ABTB2: variants seen among roughly 807,000 people sequenced by gnomAD.
ABTB2 encodes ankyrin repeat and BTB domain containing 2.
In ABTB2, 56 loss-of-function variants were observed where a neutral mutation model predicts 104.1. That is an observed-to-expected ratio of 0.54 (90% confidence interval 0.43 to 0.67). The LOEUF (loss-of-function observed/expected upper bound fraction) is 0.67. Among genes scored for constraint, ABTB2 ranks in the 30% least tolerant of loss-of-function variants. The probability of loss-of-function intolerance (pLI) is 0.00; values close to 1 mark genes in which losing one functional copy is unlikely to be tolerated. For missense variants in ABTB2, 1,279 were observed against 1,407.7 expected, an observed-to-expected ratio of 0.91 and a Z score of 1.46; for synonymous variants, 606 against 608.2, an observed-to-expected ratio of 1.00 and a Z score of 0.05.
chr11:34,317,993 C>T (rs373899474), intron 1 of ABTB2, among the ~76,000 whole-genome samples: 3 of 150,270 alleles, frequency 2.0e-5, no homozygotes, highest in South Asian at 2.1e-4. Context: ...GACATAGCCT[C>T]GCTCTGTCAC....
At chr11:34,205,094 A>G (rs1853393095) in intron 1 of ABTB2, among the ~76,000 whole-genome samples, 1 of 152,206 alleles carries the variant, frequency 6.6e-6, no homozygotes, top group Non-Finnish European at 1.5e-5. Flanking sequence ...TGCCTGACTC[A>G]GCCCAGGTAT....
Position 34,161,066 on chromosome 11 carries a change from A to G in ABTB2, c.2234T>C (p.Leu745Pro), listed in dbSNP as rs1385043208. ...CCTCAGAGACTCGATCCAGATGTGC[A>G]GCTTCCAGGGGACTCCTGGTCCAGG... The part of the protein sequence containing the change: ...ELRALGVPWK[L>P]HIWIESLRTS... Residue 745 changes from leucine to proline, a missense_variant, in exon 11 of 17, where the codon CTG becomes CCG. By Grantham distance (98) the Leu-to-Pro change is moderately conservative. Coordinates refer to ENST00000435224, the MANE Select transcript of ABTB2 (RefSeq NM_145804.3). 1.9e-6 allele frequency: 3 copies of G among 1,609,676 alleles called. No homozygotes were observed. The highest frequency in any genetic ancestry group is 2.2e-5 in the East Asian group (1 of 44,706).
At chr11:34,231,663 T>G (rs1461937836) in intron 1 of ABTB2, among the ~76,000 whole-genome samples, 1 of 152,170 alleles carries the variant, frequency 6.6e-6, no homozygotes, top group Non-Finnish European at 1.5e-5. Flanking sequence ...CTCCGCCTCC[T>G]GGGTTCAAGC....
chr11:34,201,954 T>G (rs1306343848), intron 2 of ABTB2, among the ~76,000 whole-genome samples: 1 of 152,224 alleles, frequency 6.6e-6, no homozygotes, highest in Non-Finnish European at 1.5e-5. Context: ...CTCACAGGCA[T>G]GCATGTGTGC....
chr11:34,334,034 C>G (rs1475519038), intron 1 of ABTB2, among the ~76,000 whole-genome samples: 1 of 147,588 alleles, frequency 6.8e-6, no homozygotes, highest in South Asian at 2.1e-4. Flanking sequence ...AAAAAAAAAG[C>G]CACAGGCAAA....
rs573956937 is a variant in ABTB2 at position 34,247,971 on chromosome 11, C to T, written c.884-43281G>A. Among the ~76,000 whole-genome samples the T allele has an allele frequency of 2.0e-5, 3 of 152,082 alleles. No homozygotes were observed. The East Asian group carries it at 5.8e-4, about 29-fold the overall frequency. ...ATGTATATGCTGTGTATTACACAAG[C>T]ACAGGGAGAAAGAATAGCTACACCT... On this transcript the variant is annotated intron_variant, in intron 1 of 16. Transcript: ENST00000435224.
At chr11:34,265,151 C>T (rs1854232511) in intron 1 of ABTB2, among the ~76,000 whole-genome samples, 1 of 152,200 alleles carries the variant, frequency 6.6e-6, no homozygotes, top group Non-Finnish European at 1.5e-5. Context: ...AGAACCGAAG[C>T]AACAAGTTCC....
chr11:34,260,986 G>C (rs192692376), intron 1 of ABTB2, among the ~76,000 whole-genome samples: 33 of 152,250 alleles, frequency 2.2e-4, no homozygotes, highest in African/African-American at 7.5e-4. Context: ...AGCTGGGTGT[G>C]CTGGTGGGTG....
chr11:34,257,931 A>G (rs1193301029), intron 1 of ABTB2, among the ~76,000 whole-genome samples: 2 of 152,056 alleles, frequency 1.3e-5, no homozygotes, highest in African/African-American at 2.4e-5. Flanking sequence ...GGGGTTGTTA[A>G]TAATCACATG....
At position 34,357,387 on chromosome 11, in the gene ABTB2, T is replaced by C; in HGVS notation, c.197A>G (p.Asn66Ser). The C allele has an allele frequency of 1.3e-6, 2 of 1,544,150 alleles. No individual in the cohort carries two copies. Among genetic ancestry groups the C allele is most frequent in the Non-Finnish European group, 1.8e-6 (2 of 1,142,626 alleles). The change falls in exon 1 of 17, where the codon AAC becomes AGC. Residue 66 changes from asparagine to serine, a missense_variant. Transcript: ENST00000435224. ...CYSGSMNSRH[N>S]SWDTVNTVLP... ...CACCGTGTTCACCGTGTCCCAGCTG[T>C]TGTGGCGGCTGTTCATGGAGCCGGA...
chr11:34,167,856 TC>T (rs1362438351), intron 6 of ABTB2, 46 bp downstream of exon 6: 14 of 1,591,212 alleles, frequency 8.8e-6, no homozygotes, highest in Non-Finnish European at 1.2e-5. Flanking sequence ...CTCGGAGTGA[TC>T]CCTGCTGGCC....
intron 11 of ABTB2, 64 bp downstream of exon 11, chr11:34,160,839 T>C (rs1852708136): frequency 3.3e-6 from 5 of 1,514,314 alleles, no homozygotes; most frequent in Admixed American, 1.9e-5. Context: ...TGTGTGTCCA[T>C]CTGTGTGTCC....
intron 1 of ABTB2, among the ~76,000 whole-genome samples, chr11:34,275,588 C>T (rs1159229558): frequency 3.9e-5 from 6 of 152,094 alleles, no homozygotes; most frequent in East Asian, 1.9e-4. Flanking sequence ...ACTGCAACCA[C>T]GGTTTTTATG....
intron 7 of ABTB2, among the ~76,000 whole-genome samples, chr11:34,166,556 GC>G (rs1241665648): frequency 6.6e-6 from 1 of 152,242 alleles, no homozygotes; most frequent in African/African-American, 2.4e-5. Flanking sequence ...CACAATCCCT[GC>G]CCTCAGAGGT....
chr11:34,306,982 T>TAAAAAAAAAAAAA (rs61161318), intron 1 of ABTB2, among the ~76,000 whole-genome samples: 41 of 94,406 alleles, frequency 4.3e-4, no homozygotes, highest in Middle Eastern at 6.5e-3. Flanking sequence ...TCAGGAAACT[T>TAAAAAAAAAAAAA]AAAAAAAAAA....
chr11:34,230,080 G>C (rs971413796), intron 1 of ABTB2, among the ~76,000 whole-genome samples: 2 of 152,214 alleles, frequency 1.3e-5, no homozygotes, highest in African/African-American at 4.8e-5. Context: ...AGGGTTCTCT[G>C]TTGAAGCTCC....
rs1554923796 is a variant in ABTB2 at position 34,297,796 on chromosome 11, G to GAAAAAAAAAAAAAAAAACAAAT, written c.883+58904_883+58905insATTTGTTTTTTTTTTTTTTTTT. ...AAAAAAAAAAAAAATAAAAATAAAG[G>GAAAAAAAAAAAAAAAAACAAAT]AAAGAAAAAGAAAAAAACAAAATTC... On this transcript the variant is annotated intron_variant, in intron 1 of 16. Coordinates refer to ENST00000435224, the MANE Select transcript of ABTB2 (RefSeq NM_145804.3). 3.8e-4 allele frequency among the ~76,000 whole-genome samples: 47 copies of GAAAAAAAAAAAAAAAAACAAAT among 123,064 alleles called. 2 individuals are homozygous for GAAAAAAAAAAAAAAAAACAAAT. The highest frequency in any genetic ancestry group is 4.5e-3 in the Middle Eastern group (1 of 222). The allele number at this position is 123,064 out of a possible 152,430, so 80.7% of individuals were successfully genotyped here. A position where few individuals can be genotyped will look rare whatever the true frequency, so the allele number is the denominator to read the frequency against.
chr11:34,223,494 A>G (rs1853651354), intron 1 of ABTB2, among the ~76,000 whole-genome samples: 1 of 151,978 alleles, frequency 6.6e-6, no homozygotes. Context: ...GGCTGCTGCT[A>G]CCTCCCTCCC....
At chr11:34,215,829 C>G (rs1243234872) in intron 1 of ABTB2, among the ~76,000 whole-genome samples, 6 of 152,052 alleles carry the variant, frequency 3.9e-5, no homozygotes, top group Admixed American at 2.0e-4. Context: ...CTGATGGCTT[C>G]AAGACAAAGA....
Sources: allele counts gnomAD v4.1 joint callset (sites outside exome capture counted in the v4.1 genomes callset), GRCh38; gene constraint gnomAD v4.1.1; transcripts MANE v1.5; gene names NCBI Gene and HGNC (gene_info 2026-07-23, HGNC 2026-07-21).